Variants in VCL observed in about 807,000 individuals in gnomAD.
VCL encodes vinculin.
Under a neutral mutation model 125.7 loss-of-function variants are expected in VCL, and 47 were observed. The ratio of observed to expected loss-of-function variants is 0.37; its 90% CI spans 0.30 to 0.48. The LOEUF is 0.48. VCL is among the 20% of genes least tolerant of loss of function. VCL has a pLI of 0.99. For synonymous variants in VCL, 458 were observed against 514.6 expected, an observed-to-expected ratio of 0.89 and a Z score of 1.49; for missense variants, 1,069 against 1,455.5, an observed-to-expected ratio of 0.73 and a Z score of 4.32.
chr10:74,042,785 A>G (rs1211706327), intron 1 of VCL, among the ~76,000 whole-genome samples: 1 of 152,170 alleles, frequency 6.6e-6, no homozygotes, highest in Non-Finnish European at 1.5e-5. Flanking sequence ...TTAAATACAC[A>G]CACTTATATT....
chr10:74,083,128 T>A (rs1295704217), intron 7 of VCL, among the ~76,000 whole-genome samples: 1 of 152,264 alleles, frequency 6.6e-6, no homozygotes, highest in African/African-American at 2.4e-5. Context: ...TACCACAAGC[T>A]ACTTAGTATC....
At chr10:74,062,540 C>A (rs1841498453) in intron 2 of VCL, among the ~76,000 whole-genome samples, 1 of 151,938 alleles carries the variant, frequency 6.6e-6, no homozygotes, top group Admixed American at 6.6e-5. Context: ...ACAGTTATGA[C>A]CATTTTAATG....
Position 74,094,392 on chromosome 10 carries a change from C to T in VCL, c.1474C>T (p.His492Tyr). ...ANSRPAKAAV[H>Y]LEGKIEQAQR... ...CAGCAGACCGGCCAAAGCAGCTGTA[C>T]ACCTTGAGGGCAAGATTGAGCAAGC... Residue 492 changes from histidine to tyrosine, a missense_variant, in exon 11 of 22, where the codon CAC becomes TAC. Physicochemically the swap from His to Tyr is moderately conservative, Grantham distance 83. Coordinates refer to ENST00000211998, the MANE Select transcript of VCL (RefSeq NM_014000.3). 6.2e-7 allele frequency: 1 copy of T among 1,614,182 alleles called. No individual in the cohort carries two copies. The highest frequency in any genetic ancestry group is 1.1e-5 in the South Asian group (1 of 91,072).
At position 74,101,196 on chromosome 10, in the gene VCL, A is replaced by C. The variant is rs1000713944; in HGVS notation, c.2022+99A>C. The C allele has an allele frequency of 8.7e-6, 13 of 1,501,230 alleles. No individual in the cohort carries two copies. The East Asian group carries it at 3.2e-4, about 37-fold the overall frequency. 93.0% of individuals were successfully genotyped at this position (1,501,230 alleles called of 1,614,324 possible). On this transcript the variant is annotated intron_variant, in intron 14 of 21. Coordinates refer to ENST00000211998, the MANE Select transcript of VCL (RefSeq NM_014000.3). ...GAATACTTACCGTAAGATGGCATAA[A>C]AAAACATATACAGGCCAGCACGGTA...
chr10:74,052,374 G>GTT (rs141633935), intron 2 of VCL, among the ~76,000 whole-genome samples: 98 of 113,018 alleles, frequency 8.7e-4, no homozygotes, highest in East Asian at 1.6e-3. Flanking sequence ...TCTTCAGTTA[G>GTT]TTTTTTTTTT....
At chr10:74,000,562 G>A (rs776162281) in intron 1 of VCL, among the ~76,000 whole-genome samples, 72 of 152,088 alleles carry the variant, frequency 4.7e-4, no homozygotes, top group Middle Eastern at 6.8e-3. Context: ...CTACAGGTTC[G>A]CACCACCGTG....
At chr10:74,047,248 CATT>C (rs1476081939) in intron 2 of VCL, among the ~76,000 whole-genome samples, 1 of 152,122 alleles carries the variant, frequency 6.6e-6, no homozygotes, top group Non-Finnish European at 1.5e-5. Context: ...AGTGAGCTGT[CATT>C]ATGCCACTGC....
At chr10:74,025,637 G>A (rs1357626595) in intron 1 of VCL, among the ~76,000 whole-genome samples, 27 of 145,688 alleles carry the variant, frequency 1.9e-4, no homozygotes, top group Non-Finnish European at 3.3e-4. Flanking sequence ...AAGGGGAGGG[G>A]AGGGGGAAAG....
At chr10:74,068,594 G>C (rs1841612500) in intron 2 of VCL, among the ~76,000 whole-genome samples, 1 of 152,082 alleles carries the variant, frequency 6.6e-6, no homozygotes, top group Non-Finnish European at 1.5e-5. Flanking sequence ...CAAAGTGCTG[G>C]GATTACACGT....
At chr10:74,101,541 A>AGTTTTT (rs1840056550) in intron 14 of VCL, among the ~76,000 whole-genome samples, 1 of 112,358 alleles carries the variant, frequency 8.9e-6, no homozygotes, top group African/African-American at 4.0e-5. Flanking sequence ...ACTATTTATT[A>AGTTTTT]GTTTTTTTTT....
chr10:74,077,807 G>C (rs1839615627), intron 6 of VCL: 1 of 451,694 alleles, frequency 2.2e-6, no homozygotes, highest in Non-Finnish European at 4.4e-6. Context: ...AGATTTTAAA[G>C]AGGCAATGCA....
chr10:74,090,967 A>AT (rs906119479), intron 10 of VCL, among the ~76,000 whole-genome samples: 1 of 151,710 alleles, frequency 6.6e-6, no homozygotes, highest in Non-Finnish European at 1.5e-5. Flanking sequence ...TGCCTGGCTA[A>AT]TTTTTTTATT....
chr10:74,110,316 AAAAC>A (rs1442471462), intron 18 of VCL, among the ~76,000 whole-genome samples: 5 of 152,238 alleles, frequency 3.3e-5, no homozygotes, highest in Admixed American at 6.5e-5. Context: ...ATTATTTAAA[AAAAC>A]AAACAAACTT....
chr10:74,114,308 C>A lies in VCL; in HGVS notation c.3074C>A (p.Ala1025Asp). The A allele has an allele frequency of 6.2e-7, 1 of 1,614,032 alleles. No individual in the cohort carries two copies. Among genetic ancestry groups the A allele is most frequent in the South Asian group, 1.1e-5 (1 of 91,064 alleles). Reference protein sequence around the residue: ...LIQCAKDIAKASDEVTRLAKE... With the variant: ...LIQCAKDIAKDSDEVTRLAKE... ...CAGTGTGCCAAGGACATCGCCAAGG[C>A]CTCAGATGAGGTGACTCGGTTGGCC... The change falls in exon 20 of 22, where the codon GCC becomes GAC. Residue 1025 changes from alanine (A) to aspartate (D), a missense_variant. By Grantham distance (126) the Ala-to-Asp change is moderately radical. Around this residue, in one of 6 missense-constraint regions of VCL, gnomAD observed 91 missense variants for 203.9 expected, o/e 0.45. Transcript: ENST00000211998.
chr10:74,084,065 C>T (rs1564526544), intron 8 of VCL, among the ~76,000 whole-genome samples: 1 of 152,260 alleles, frequency 6.6e-6, no homozygotes, highest in East Asian at 1.9e-4. Context: ...CGGGGTTTCA[C>T]CATCTTGGCC....
chr10:74,045,265 G>GATA (rs1841177773), intron 2 of VCL, among the ~76,000 whole-genome samples: 13 of 147,236 alleles, frequency 8.8e-5, no homozygotes, highest in African/African-American at 3.0e-4. Flanking sequence ...ACAGAGAGAC[G>GATA]GATAGATAGA....
At chr10:74,024,596 C>T (rs11000855) in intron 1 of VCL, among the ~76,000 whole-genome samples, 4,274 of 143,716 alleles carry the variant, frequency 0.03, 208 homozygotes, top group African/African-American at 0.1. Flanking sequence ...ACAAGAGCAA[C>T]GTGACACTCC....
chr10:74,103,891 G>A lies in VCL; in HGVS notation c.2094G>A (p.Met698Ile), dbSNP rs762082739. The change falls in exon 15 of 22, where the codon ATG becomes ATA. Residue 698 changes from methionine (M) to isoleucine (I), a missense_variant. This residue lies in a region of VCL where 760 missense variants were observed against 928.9 expected (regional missense o/e 0.82). Coordinates refer to ENST00000211998, the MANE Select transcript of VCL (RefSeq NM_014000.3). ...CTGCTTATGAACATTTTGAGACCAT[G>A]AAGAACCAGTGGATCGATAATGTTG... ...NQAAYEHFET[M>I]KNQWIDNVEK... 1 of 1,614,150 alleles carries A rather than the reference G, an allele frequency of 6.2e-7. No individual in the cohort carries two copies. The highest frequency in any genetic ancestry group is 1.1e-5 in the South Asian group (1 of 91,084).
intron 1 of VCL, among the ~76,000 whole-genome samples, chr10:74,032,960 A>G (rs1359158012): frequency 6.6e-6 from 1 of 152,168 alleles, no homozygotes; most frequent in Admixed American, 6.5e-5. Flanking sequence ...GCCTCTTTGG[A>G]AAATAGTCTG....
Sources: gnomAD v4.1 joint callset for allele counts (sites outside exome capture counted in the v4.1 genomes callset) on GRCh38, gnomAD v4.1.1 for gene constraint, gnomAD v4.1.1 regional missense constraint, MANE v1.5 for transcripts, NCBI Gene and HGNC (gene_info 2026-07-23, HGNC 2026-07-21) for gene names.